CCSER1: variants seen among roughly 807,000 people sequenced by gnomAD.
CCSER1 encodes coiled-coil serine rich protein 1.
A neutral mutation model predicts 82.0 loss-of-function variants in CCSER1; 41 were observed. The observed-to-expected ratio is 0.50, with a 90% confidence interval of 0.39 to 0.65. CCSER1 has a LOEUF of 0.65. Ranked by LOEUF, CCSER1 falls within the 30% of genes least tolerant of loss-of-function variation. The probability of loss-of-function intolerance (pLI) is 0.00; values close to 1 mark genes in which losing one functional copy is unlikely to be tolerated. For synonymous variants in CCSER1, 414 were observed against 383.9 expected, an observed-to-expected ratio of 1.08 and a Z score of -0.92; for missense variants, 1,119 against 1,064.2, an observed-to-expected ratio of 1.05 and a Z score of -0.72.
chr4:91,501,535 TAGGAC>T (rs757932913), intron 10 of CCSER1, among the ~76,000 whole-genome samples: 19 of 152,184 alleles, frequency 1.2e-4, no homozygotes, highest in Admixed American at 3.3e-4. Flanking sequence ...CCTAATATAA[TAGGAC>T]AGGTATTTAT....
At chr4:90,919,222 A>T (rs958864946) in intron 8 of CCSER1, among the ~76,000 whole-genome samples, 1 of 151,714 alleles carries the variant, frequency 6.6e-6, no homozygotes, top group African/African-American at 2.4e-5. Flanking sequence ...TATATATTTG[A>T]TATGTTTCCT....
At chr4:90,710,024 T>C (rs1051958770) in intron 6 of CCSER1, among the ~76,000 whole-genome samples, 23 of 151,784 alleles carry the variant, frequency 1.5e-4, no homozygotes, top group African/African-American at 5.3e-4. Context: ...TTGATTTGCA[T>C]TTCTCTAGTG....
intron 5 of CCSER1, among the ~76,000 whole-genome samples, chr4:90,521,060 C>T (rs1773049281): frequency 6.6e-6 from 1 of 152,140 alleles, no homozygotes; most frequent in Non-Finnish European, 1.5e-5. Context: ...AATACGCATT[C>T]TAGGAGTTGA....
chr4:90,584,401 AG>A (rs1467353011), intron 5 of CCSER1, among the ~76,000 whole-genome samples: 1 of 152,196 alleles, frequency 6.6e-6, no homozygotes, highest in Non-Finnish European at 1.5e-5. Flanking sequence ...CCTCAGTTAC[AG>A]GAACTTCAAG....
intron 7 of CCSER1, among the ~76,000 whole-genome samples, chr4:90,755,083 A>G (rs866444866): frequency 1.3e-5 from 2 of 152,190 alleles, no homozygotes; most frequent in South Asian, 2.1e-4. Flanking sequence ...TTAGCTTCAT[A>G]TAAGGAGCTA....
intron 10 of CCSER1, among the ~76,000 whole-genome samples, chr4:91,567,909 T>G (rs1400638689): frequency 6.6e-6 from 1 of 152,126 alleles, no homozygotes; most frequent in Non-Finnish European, 1.5e-5. Context: ...ATCATTGTGA[T>G]GTTAGCTGGT....
chr4:90,638,659 G>C (rs1334140633), intron 6 of CCSER1, among the ~76,000 whole-genome samples: 1 of 152,124 alleles, frequency 6.6e-6, no homozygotes, highest in Non-Finnish European at 1.5e-5. Context: ...AATAAGGCCT[G>C]GTTATGCTGC....
intron 10 of CCSER1, among the ~76,000 whole-genome samples, chr4:91,398,397 A>T (rs1752117078): frequency 6.6e-6 from 1 of 151,964 alleles, no homozygotes; most frequent in Non-Finnish European, 1.5e-5. Flanking sequence ...TTTTTTGCTT[A>T]AACAGCATTG....
At chr4:91,376,097 C>T (rs1750389924) in intron 10 of CCSER1, among the ~76,000 whole-genome samples, 1 of 152,000 alleles carries the variant, frequency 6.6e-6, no homozygotes, top group East Asian at 1.9e-4. Context: ...CCAAACCAAA[C>T]TTAAGGGAAG....
At chr4:90,203,780 A>G (rs1738222232) in intron 1 of CCSER1, among the ~76,000 whole-genome samples, 1 of 152,134 alleles carries the variant, frequency 6.6e-6, no homozygotes, top group East Asian at 1.9e-4. Context: ...GTCTTCCACA[A>G]TGGTTGAACT....
At chr4:90,202,184 G>A (rs979866071) in intron 1 of CCSER1, among the ~76,000 whole-genome samples, 4 of 148,106 alleles carry the variant, frequency 2.7e-5, no homozygotes, top group Non-Finnish European at 5.9e-5. Flanking sequence ...TGGATTCTTG[G>A]ATGTACTGTA....
chr4:91,487,790 A>G (rs1038188726), intron 10 of CCSER1, among the ~76,000 whole-genome samples: 2 of 152,040 alleles, frequency 1.3e-5, no homozygotes, highest in Admixed American at 6.6e-5. Context: ...GACATTATAC[A>G]TTATACATAA....
chr4:91,514,695 G>A (rs907266768), intron 10 of CCSER1, among the ~76,000 whole-genome samples: 6 of 152,100 alleles, frequency 3.9e-5, no homozygotes, highest in Non-Finnish European at 7.4e-5. Flanking sequence ...TGTGCAGGGT[G>A]AGTCAGCAAG....
chr4:91,010,150 A>C (rs2150500083), intron 9 of CCSER1, among the ~76,000 whole-genome samples: 1 of 152,258 alleles, frequency 6.6e-6, no homozygotes, highest in African/African-American at 2.4e-5. Flanking sequence ...TTTCTTAAGG[A>C]TAGCTTTGCT....
chr4:90,363,381 A>G (rs1177232484), intron 3 of CCSER1, among the ~76,000 whole-genome samples: 1 of 152,168 alleles, frequency 6.6e-6, no homozygotes, highest in Non-Finnish European at 1.5e-5. Flanking sequence ...CCTGAAGAGA[A>G]AATCATAGAC....
At chr4:90,970,075 A>G (rs2150396303) in intron 9 of CCSER1, among the ~76,000 whole-genome samples, 1 of 151,998 alleles carries the variant, frequency 6.6e-6, no homozygotes, top group East Asian at 1.9e-4. Context: ...GAACAACAAG[A>G]TGGTAATTTT....
intron 3 of CCSER1, among the ~76,000 whole-genome samples, chr4:90,391,468 A>T (rs1751072599): frequency 1.1e-5 from 1 of 93,756 alleles, no homozygotes. Context: ...ATATATATAT[A>T]TATATATATA....
At chr4:90,691,354 A>C (rs1735793382) in intron 6 of CCSER1, among the ~76,000 whole-genome samples, 1 of 152,012 alleles carries the variant, frequency 6.6e-6, no homozygotes, top group South Asian at 2.1e-4. Flanking sequence ...AGCTTAGACC[A>C]GTATTTCTCA....
intron 10 of CCSER1, among the ~76,000 whole-genome samples, chr4:91,087,452 A>G (rs1723499893): frequency 6.6e-6 from 1 of 151,948 alleles, no homozygotes; most frequent in African/African-American, 2.4e-5. Context: ...CATATTGCTT[A>G]TTTTTCTAAC....
Sources: gnomAD v4.1 joint callset for allele counts (sites outside exome capture counted in the v4.1 genomes callset) on GRCh38, gnomAD v4.1.1 for gene constraint, MANE v1.5 for transcripts, NCBI Gene and HGNC (gene_info 2026-07-23, HGNC 2026-07-21) for gene names.